Variants in APPBP2 observed in about 807,000 individuals in gnomAD.
APPBP2 encodes the protein amyloid beta precursor protein binding protein 2, also known as amyloid protein-binding protein 2.
In APPBP2, 15 loss-of-function variants were observed where a neutral mutation model predicts 76.0. That is an observed-to-expected ratio of 0.20 (90% CI 0.13 to 0.30). APPBP2 has a LOEUF of 0.30. Among genes scored for constraint, APPBP2 ranks in the 10% least tolerant of loss-of-function variants. The pLI, the probability that APPBP2 is intolerant of heterozygous loss-of-function variation, is 1.00. For synonymous variants in APPBP2, 222 were observed against 242.2 expected (o/e 0.92, Z 0.77); for missense variants, 401 against 687.2 (o/e 0.58, Z 4.66).
intron 4 of APPBP2, 105 bp downstream of exon 4, chr17:60,479,043 T>C (rs1200954423): frequency 2.2e-5 from 24 of 1,108,476 alleles, no homozygotes; most frequent in Non-Finnish European, 2.7e-5. Context: ...ATAAATATCA[T>C]CTCAGAGATT....
At chr17:60,491,530 T>C (rs757028643) in intron 3 of APPBP2, among the ~76,000 whole-genome samples, 6 of 152,148 alleles carry the variant, frequency 3.9e-5, no homozygotes, top group Non-Finnish European at 5.9e-5. Flanking sequence ...CTGCAACCTC[T>C]GCCTTCCAGG....
chr17:60,452,938 A>AAT (rs1555630468), intron 11 of APPBP2, among the ~76,000 whole-genome samples: 9 of 152,146 alleles, frequency 5.9e-5, no homozygotes, highest in Non-Finnish European at 1.0e-4. Flanking sequence ...CATATTAAAA[A>AAT]ATATATATAT....
chr17:60,460,457 G>A (rs757265110), intron 9 of APPBP2: 12 of 337,826 alleles, frequency 3.6e-5, no homozygotes, highest in East Asian at 1.8e-4. Context: ...GATTACAGGC[G>A]GGAGCCTCTG....
chr17:60,484,090 T>C (rs1302184662), intron 3 of APPBP2, among the ~76,000 whole-genome samples: 1 of 152,118 alleles, frequency 6.6e-6, no homozygotes, highest in African/African-American at 2.4e-5. Context: ...CTGGTCTATA[T>C]CTGTTTTGGT....
At chr17:60,505,830 C>T (rs553361796) in intron 1 of APPBP2, among the ~76,000 whole-genome samples, 1 of 151,396 alleles carries the variant, frequency 6.6e-6, no homozygotes, top group African/African-American at 2.4e-5. Flanking sequence ...ATTACAGGCG[C>T]CCGCCACCAT....
intron 4 of APPBP2, among the ~76,000 whole-genome samples, chr17:60,473,937 T>C (rs1053787498): frequency 6.6e-6 from 1 of 152,178 alleles, no homozygotes; most frequent in Admixed American, 6.5e-5. Flanking sequence ...TGAATCTCTG[T>C]ATGATGTCAT....
intron 4 of APPBP2, among the ~76,000 whole-genome samples, chr17:60,474,907 TTAAA>T (rs2090578255): frequency 6.6e-6 from 1 of 152,128 alleles, no homozygotes; most frequent in Non-Finnish European, 1.5e-5. Flanking sequence ...ATTTAAGAAC[TTAAA>T]TAAAAGTTTA....
At chr17:60,474,011 A>G (rs2090571234) in intron 4 of APPBP2, among the ~76,000 whole-genome samples, 1 of 152,136 alleles carries the variant, frequency 6.6e-6, no homozygotes, top group African/African-American at 2.4e-5. Flanking sequence ...GGGCTTTTCA[A>G]TTTCTCCTAT....
chr17:60,447,864 A>G, intron 12 of APPBP2, 30 bp from the exon 13 acceptor site: 1 of 1,548,644 alleles, frequency 6.5e-7, no homozygotes, highest in Non-Finnish European at 8.7e-7. Context: ...GGAAAAAAAA[A>G]AAAGCACAAA....
At position 60,444,748 on chromosome 17, in the gene APPBP2, G is replaced by C. The variant is rs1454958184; in HGVS notation, c.*2833C>G. 2 of 152,524 alleles carry C rather than the reference G, an allele frequency of 1.3e-5. No homozygotes were observed. The highest frequency in any genetic ancestry group is 2.4e-5 in the African/African-American group (1 of 41,396). The allele number at this position is 152,524 out of a possible 1,614,324, so 9.4% of individuals were successfully genotyped here. A position where few individuals can be genotyped will look rare whatever the true frequency, so the allele number is the denominator to read the frequency against. ...GGAATGCAGGCATGAGTGGCCACCT[G>C]AGCGACACATGCGAGTGCTGACGGA... On this transcript the variant is annotated 3_prime_UTR_variant, in exon 13 of 13. Transcript: ENST00000083182.
At chr17:60,519,262 C>T (rs1225992289) in intron 1 of APPBP2, among the ~76,000 whole-genome samples, 1 of 146,806 alleles carries the variant, frequency 6.8e-6, no homozygotes, top group East Asian at 1.9e-4. Flanking sequence ...TGCTCCTGGC[C>T]ACTTATTTTT....
intron 4 of APPBP2, chr17:60,468,323 T>C (rs1311086667): frequency 6.6e-6 from 1 of 151,942 alleles, no homozygotes; most frequent in Non-Finnish European, 1.5e-5. Flanking sequence ...AAAAAAGTCC[T>C]TGAGAAAAAA....
chr17:60,511,690 C>T (rs1237733740), intron 1 of APPBP2, among the ~76,000 whole-genome samples: 1 of 151,966 alleles, frequency 6.6e-6, no homozygotes, highest in Non-Finnish European at 1.5e-5. Flanking sequence ...CCTCTGATTT[C>T]AGCATTTATG....
chr17:60,522,873 T>TAAA (rs1233255668), intron 1 of APPBP2, among the ~76,000 whole-genome samples: 1 of 149,188 alleles, frequency 6.7e-6, no homozygotes, highest in African/African-American at 2.5e-5. Context: ...TTTTTTTTTT[T>TAAA]AAAAAAAAGA....
At chr17:60,467,666 TATG>T (rs1335629279) in intron 4 of APPBP2, among the ~76,000 whole-genome samples, 1 of 152,172 alleles carries the variant, frequency 6.6e-6, no homozygotes, top group Non-Finnish European at 1.5e-5. Context: ...AGTAGGGTAA[TATG>T]ATCAAAAGAT....
rs768673342 is a variant in APPBP2 at position 60,460,669 on chromosome 17, T to C, written c.1055A>G (p.Asn352Ser). Residue 352 changes from asparagine (N) to serine (S), a missense_variant, in exon 9 of 13, where the codon AAT becomes AGT. Transcript: ENST00000083182. The part of the protein sequence containing the change: ...VHQYSSGKFD[N>S]ALFHAERAIG... ...AAAGGAATGTGGAACTTACAGTGCA[T>C]TGTCAAATTTCCCAGAGCTATACTG... 19 of 1,611,308 alleles carry C rather than the reference T, an allele frequency of 1.2e-5. No homozygotes were observed. The highest frequency in any genetic ancestry group is 1.5e-5 in the Non-Finnish European group (18 of 1,178,728).
intron 3 of APPBP2, among the ~76,000 whole-genome samples, chr17:60,489,057 C>G (rs762695507): frequency 1.3e-5 from 2 of 151,374 alleles, no homozygotes; most frequent in African/African-American, 4.9e-5. Context: ...CTCATCACTA[C>G]TAAAAATACA....
intron 2 of APPBP2, among the ~76,000 whole-genome samples, 195 bp downstream of exon 2, chr17:60,500,204 G>T (rs564906084): frequency 1.3e-5 from 2 of 152,104 alleles, no homozygotes; most frequent in South Asian, 4.1e-4. Context: ...TAGAGACAGG[G>T]TTTCATCACG....
intron 1 of APPBP2, among the ~76,000 whole-genome samples, chr17:60,518,358 CGTGT>C (rs59428194): frequency 0.2 from 17,792 of 88,044 alleles, 2,115 homozygotes; most frequent in Admixed American, 0.25. Context: ...TGTGTGCGTG[CGTGT>C]GTGTGTGTGT....
Sources: allele counts gnomAD v4.1 joint callset (sites outside exome capture counted in the v4.1 genomes callset), GRCh38; gene constraint gnomAD v4.1.1; transcripts MANE v1.5; gene names NCBI Gene and HGNC (gene_info 2026-07-23, HGNC 2026-07-21).